The following WDPCP variants were observed in gnomAD, a reference collection of about 807,000 sequenced individuals.
WDPCP encodes WD repeat-containing and planar cell polarity effector protein fritz homolog.
A neutral mutation model predicts 93.1 loss-of-function variants in WDPCP; 71 were observed. The ratio of observed to expected loss-of-function variants is 0.76; its 90% CI spans 0.63 to 0.93. The LOEUF is 0.93. WDPCP is among the 40% of genes least tolerant of loss of function. The probability of loss-of-function intolerance (pLI) is 0.00; values close to 1 mark genes in which losing one functional copy is unlikely to be tolerated. For synonymous variants in WDPCP, 315 were observed against 315.0 expected (o/e 1.00, Z 0.00); for missense variants, 844 against 887.4 (o/e 0.95, Z 0.62).
intron 12 of WDPCP, among the ~76,000 whole-genome samples, chr2:63,329,665 A>T (rs1465245227): frequency 6.6e-6 from 1 of 152,108 alleles, no homozygotes; most frequent in Admixed American, 6.5e-5. Context: ...ATTTAAAAAA[A>T]TTTTAAATGT....
chr2:63,271,899 A>G (rs1355019416), intron 13 of WDPCP, among the ~76,000 whole-genome samples: 2 of 152,134 alleles, frequency 1.3e-5, no homozygotes, highest in Admixed American at 1.3e-4. Flanking sequence ...TGGTGCCAGT[A>G]TGTATTGCTT....
At chr2:63,328,934 G>T (rs1305015652) in intron 12 of WDPCP, among the ~76,000 whole-genome samples, 1 of 151,942 alleles carries the variant, frequency 6.6e-6, no homozygotes, top group Admixed American at 6.6e-5. Flanking sequence ...TTGTCATGTT[G>T]CCAGGCTGGT....
intron 13 of WDPCP, among the ~76,000 whole-genome samples, chr2:63,266,313 C>T (rs1682111410): frequency 6.6e-6 from 1 of 152,010 alleles, no homozygotes; most frequent in Non-Finnish European, 1.5e-5. Context: ...GTTGATTTTG[C>T]AGCTTATAAA....
At chr2:63,375,258 T>A (rs1287462001) in intron 12 of WDPCP, among the ~76,000 whole-genome samples, 1 of 152,046 alleles carries the variant, frequency 6.6e-6, no homozygotes, top group Non-Finnish European at 1.5e-5. Flanking sequence ...CATTTCCCTG[T>A]TCAGTACTTG....
chr2:63,709,757 T>A (rs562691632), intron 2 of WDPCP, among the ~76,000 whole-genome samples: 1 of 152,334 alleles, frequency 6.6e-6, no homozygotes, highest in East Asian at 1.9e-4. Flanking sequence ...TCTAGAATAA[T>A]GTATGCAGTT....
At chr2:63,454,673 T>G (rs918974020) in intron 6 of WDPCP, among the ~76,000 whole-genome samples, 2 of 151,994 alleles carry the variant, frequency 1.3e-5, no homozygotes, top group Non-Finnish European at 2.9e-5. Flanking sequence ...ACTTCCCAAG[T>G]CTAGCAAGAG....
Position 63,204,336 on chromosome 2 carries a change from C to CTTT in WDPCP, c.1916-29507_1916-29505dup, listed in dbSNP as rs397872785. 7.2e-3 allele frequency among the ~76,000 whole-genome samples: 663 copies of CTTT among 92,174 alleles called. 6 individuals are homozygous for CTTT. Among genetic ancestry groups the CTTT allele is most frequent in the Non-Finnish European group, 0.011 (488 of 46,128 alleles). 60.5% of individuals were successfully genotyped at this position (92,174 alleles called of 152,430 possible). A position where few individuals can be genotyped will look rare whatever the true frequency, so the allele number is the denominator to read the frequency against. On this transcript the variant is annotated intron_variant, in intron 14 of 17. Coordinates refer to ENST00000272321, the MANE Select transcript of WDPCP (RefSeq NM_015910.7). ...AGCACATTTTTATATGCCCGTTTGC[C>CTTT]TTTTTTTTTTTTTTTTTTTTTTGAG...
intron 13 of WDPCP, among the ~76,000 whole-genome samples, chr2:63,290,654 C>T (rs1291794172): frequency 6.6e-6 from 1 of 152,112 alleles, no homozygotes; most frequent in African/African-American, 2.4e-5. Flanking sequence ...ATTTCACCCT[C>T]ACTTAAGGAT....
At chr2:63,833,519 C>T in the WDPCP span, among the ~76,000 whole-genome samples, 1 of 152,316 alleles carries the variant, frequency 6.6e-6, no homozygotes, top group Middle Eastern at 3.4e-3. Context: ...TTAAAACCAA[C>T]CAACGAACCC....
Position 63,606,080 on chromosome 2 carries a change from C to G in WDPCP, n.488+44579G>C, listed in dbSNP as rs545583899. On this transcript the variant is annotated intron_variant and non_coding_transcript_variant, in intron 3 of 4. Transcript: ENST00000467687. ...TCTTTGAGGAAGTAGTTATATGTTT[C>G]TCTTAAGAATGGTATTATTGGCCAG... The G allele has an allele frequency of 6.0e-5, 90 of 1,496,698 alleles. No individual in the cohort carries two copies. The Admixed American group carries it at 1.0e-3, about 17-fold the overall frequency. The allele number at this position is 1,496,698 out of a possible 1,614,324, so 92.7% of individuals were successfully genotyped here. A position where few individuals can be genotyped will look rare whatever the true frequency, so the allele number is the denominator to read the frequency against.
chr2:63,550,368 G>A (rs980091606), intron 1 of WDPCP, among the ~76,000 whole-genome samples: 5 of 152,196 alleles, frequency 3.3e-5, no homozygotes, highest in Middle Eastern at 3.4e-3. Flanking sequence ...AACTGCTTTC[G>A]CTAAGATCAC....
At chr2:63,488,810 T>C (rs534185357) in intron 2 of WDPCP, among the ~76,000 whole-genome samples, 204 of 152,072 alleles carry the variant, frequency 1.3e-3, no homozygotes, top group Non-Finnish European at 2.5e-3. Context: ...AACTCTAGAA[T>C]AGAACTATGA....
intron 14 of WDPCP, among the ~76,000 whole-genome samples, chr2:63,257,316 A>G (rs1260862744): frequency 6.6e-6 from 1 of 152,158 alleles, no homozygotes; most frequent in African/African-American, 2.4e-5. Context: ...TAAGAGAATA[A>G]TTGAATTAAA....
At chr2:63,680,888 G>C (rs1169230116) in intron 2 of WDPCP, among the ~76,000 whole-genome samples, 1 of 152,086 alleles carries the variant, frequency 6.6e-6, no homozygotes, top group Non-Finnish European at 1.5e-5. Context: ...AGAGTTGAGA[G>C]GCACCCATTC....
intron 14 of WDPCP, among the ~76,000 whole-genome samples, chr2:63,178,098 A>G (rs1380596397): frequency 6.6e-6 from 1 of 152,080 alleles, no homozygotes; most frequent in African/African-American, 2.4e-5. Flanking sequence ...TTATCTTTTT[A>G]CTATGCCTAA....
At chr2:63,320,772 AAACAAAAATTAGT>A (rs1005671447) in intron 12 of WDPCP, among the ~76,000 whole-genome samples, 2 of 53,772 alleles carry the variant, frequency 3.7e-5, no homozygotes, top group African/African-American at 3.8e-4. Context: ...AGGAGTGAAG[AAACAAAAATTAGT>A]AAAAATTAGT....
At chr2:63,622,239 T>G (rs1399991736) in intron 3 of WDPCP, 15 of 1,611,112 alleles carry the variant, frequency 9.3e-6, no homozygotes, top group Non-Finnish European at 1.3e-5. Flanking sequence ...GTCCTTGGCC[T>G]TCTCTGTAGC....
intron 13 of WDPCP, among the ~76,000 whole-genome samples, chr2:63,280,775 C>T (rs1170316652): frequency 6.6e-6 from 1 of 152,152 alleles, no homozygotes; most frequent in African/African-American, 2.4e-5. Context: ...TGGCTAGCTA[C>T]ATGCAGAAAA....
chr2:63,405,968 G>A (rs934160495), intron 9 of WDPCP, among the ~76,000 whole-genome samples: 2 of 152,140 alleles, frequency 1.3e-5, no homozygotes, highest in Non-Finnish European at 2.9e-5. Context: ...TCATTTTCCT[G>A]TATTTGACAG....
Sources: allele counts gnomAD v4.1 joint callset (sites outside exome capture counted in the v4.1 genomes callset), GRCh38; gene constraint gnomAD v4.1.1; transcripts MANE v1.5; gene names NCBI Gene and HGNC (gene_info 2026-07-23, HGNC 2026-07-21).